ADAMTSL1: variants seen among roughly 807,000 people sequenced by gnomAD.
ADAMTSL1 encodes the protein ADAMTS like 1.
Under a neutral mutation model 201.8 loss-of-function variants are expected in ADAMTSL1, and 126 were observed. That is an observed-to-expected ratio of 0.62 (90% CI 0.54 to 0.72). The LOEUF (loss-of-function observed/expected upper bound fraction) is 0.72. Among genes scored for constraint, ADAMTSL1 ranks in the 30% least tolerant of loss-of-function variants. ADAMTSL1 has a pLI of 0.00. For missense variants in ADAMTSL1, 2,679 were observed against 2,277.8 expected, an observed-to-expected ratio of 1.18 and a Z score of -3.59; for synonymous variants, 1,121 against 903.4, an observed-to-expected ratio of 1.24 and a Z score of -4.32.
At chr9:18,384,821 C>T (rs562060789) in intron 2 of ADAMTSL1, among the ~76,000 whole-genome samples, 1 of 152,252 alleles carries the variant, frequency 6.6e-6, no homozygotes, top group South Asian at 2.1e-4. Context: ...GCTTAATGAG[C>T]TCTCCTGATT....
intron 4 of ADAMTSL1, among the ~76,000 whole-genome samples, chr9:18,617,627 T>C (rs147917924): frequency 6.6e-6 from 1 of 152,254 alleles, no homozygotes; most frequent in Non-Finnish European, 1.5e-5. Flanking sequence ...AGTGGCTGCG[T>C]ATCTTTGTAC....
At chr9:18,238,350 C>G (rs1293275854) in intron 2 of ADAMTSL1, among the ~76,000 whole-genome samples, 2 of 152,080 alleles carry the variant, frequency 1.3e-5, no homozygotes, top group African/African-American at 4.8e-5. Context: ...TCATCTGTAA[C>G]TCAGTATTTT....
chr9:18,587,477 C>T lies in ADAMTSL1; in HGVS notation c.474+13211C>T, dbSNP rs558835797. ...CTATCACCTCAAACATTTACCTTTT[C>T]TTTGTATGGGGAGCATTACAATTCT... On this transcript the variant is annotated intron_variant, in intron 4 of 28. Transcript: ENST00000380548. Among the ~76,000 whole-genome samples the T allele has an allele frequency of 2.6e-4, 39 of 152,214 alleles. 1 individual carries two copies. Among genetic ancestry groups the T allele is most frequent in the Non-Finnish European group, 4.3e-4 (29 of 67,982 alleles).
intron 2 of ADAMTSL1, among the ~76,000 whole-genome samples, chr9:18,215,788 G>T (rs1830035401): frequency 1.3e-5 from 2 of 152,132 alleles, no homozygotes. Context: ...TTAAAGGCAG[G>T]GGGACCAGCT....
intron 2 of ADAMTSL1, among the ~76,000 whole-genome samples, chr9:18,381,059 T>C (rs1013471663): frequency 1.3e-5 from 2 of 152,206 alleles, no homozygotes; most frequent in Admixed American, 6.5e-5. Context: ...TCTAGACTGT[T>C]GAGTTCTTAT....
At chr9:18,178,261 T>TGACA (rs1828271731) in intron 2 of ADAMTSL1, among the ~76,000 whole-genome samples, 1 of 151,948 alleles carries the variant, frequency 6.6e-6, no homozygotes, top group Non-Finnish European at 1.5e-5. Flanking sequence ...AAGAAAGGGG[T>TGACA]GACAGACGGC....
At chr9:18,790,337 C>T (rs1373710464) in intron 19 of ADAMTSL1, among the ~76,000 whole-genome samples, 2 of 152,078 alleles carry the variant, frequency 1.3e-5, no homozygotes, top group Non-Finnish European at 2.9e-5. Context: ...GAAGTCTTCC[C>T]CTCCACAAGG....
At chr9:18,861,809 C>T (rs907507277) in intron 23 of ADAMTSL1, among the ~76,000 whole-genome samples, 1 of 152,206 alleles carries the variant, frequency 6.6e-6, no homozygotes, top group African/African-American at 2.4e-5. Flanking sequence ...CAGCCAGATC[C>T]TTTCAGACAC....
At chr9:18,606,512 T>C (rs16936895) in intron 4 of ADAMTSL1, among the ~76,000 whole-genome samples, 4 of 152,184 alleles carry the variant, frequency 2.6e-5, no homozygotes, top group African/African-American at 9.7e-5. Context: ...TGGTGCTGCC[T>C]GACCTCTTGA....
chr9:18,204,901 C>T lies in ADAMTSL1; in HGVS notation c.207+40920C>T, dbSNP rs556699413. On this transcript the variant is annotated intron_variant, in intron 2 of 29. Coordinates refer to the ADAMTSL1 transcript ENST00000680146. ...AAACATCTTTGTTCATTTATATCCA[C>T]TGTATTATGGCATTCGTAGGGAGTA... Among the ~76,000 whole-genome samples, 5 of 152,302 alleles carry T rather than the reference C, an allele frequency of 3.3e-5. No individual in the cohort carries two copies. In the East Asian group the frequency reaches 9.6e-4, roughly 29 times the overall value.
At chr9:18,396,823 G>A (rs1192334112) in intron 2 of ADAMTSL1, among the ~76,000 whole-genome samples, 4 of 152,014 alleles carry the variant, frequency 2.6e-5, no homozygotes, top group Non-Finnish European at 5.9e-5. Context: ...TTATGATCAT[G>A]CCACTGCACT....
At chr9:18,808,147 A>G (rs372252420) in intron 20 of ADAMTSL1, among the ~76,000 whole-genome samples, 25 of 152,234 alleles carry the variant, frequency 1.6e-4, no homozygotes, top group Admixed American at 1.2e-3. Flanking sequence ...AAGAAAAACT[A>G]AAAGAGTACA....
chr9:18,707,866 G>C (rs1350738837), intron 14 of ADAMTSL1, among the ~76,000 whole-genome samples: 2 of 152,200 alleles, frequency 1.3e-5, no homozygotes, highest in African/African-American at 4.8e-5. Context: ...TTATGAACAG[G>C]ATTGTAGTGG....
intron 23 of ADAMTSL1, among the ~76,000 whole-genome samples, chr9:18,834,415 T>G (rs1825186120): frequency 6.6e-6 from 1 of 152,116 alleles, no homozygotes; most frequent in African/African-American, 2.4e-5. Flanking sequence ...TCTTTGTTAT[T>G]CATTTATAAG....
intron 2 of ADAMTSL1, among the ~76,000 whole-genome samples, chr9:18,252,915 A>G (rs111774870): frequency 6.6e-6 from 1 of 152,196 alleles, no homozygotes; most frequent in Non-Finnish European, 1.5e-5. Context: ...GCAGCAGGAG[A>G]TAAACATATG....
At chr9:18,577,588 G>C (rs1822815609) in intron 4 of ADAMTSL1, among the ~76,000 whole-genome samples, 1 of 152,156 alleles carries the variant, frequency 6.6e-6, no homozygotes, top group Non-Finnish European at 1.5e-5. Flanking sequence ...TTTTCAATCT[G>C]TGGAAAATGA....
At chr9:18,250,369 C>T (rs1263313755) in intron 2 of ADAMTSL1, among the ~76,000 whole-genome samples, 1 of 152,132 alleles carries the variant, frequency 6.6e-6, no homozygotes, top group Non-Finnish European at 1.5e-5. Context: ...CTGACTCCCT[C>T]TTTGGGAGAG....
intron 2 of ADAMTSL1, among the ~76,000 whole-genome samples, chr9:18,313,230 C>G (rs954339177): frequency 1.3e-5 from 2 of 152,130 alleles, no homozygotes; most frequent in African/African-American, 2.4e-5. Context: ...CCAGACAACT[C>G]TTTGAGAACT....
chr9:17,993,974 GA>G (rs1008722826), intron 1 of ADAMTSL1, among the ~76,000 whole-genome samples: 1 of 151,996 alleles, frequency 6.6e-6, no homozygotes, highest in African/African-American at 2.4e-5. Flanking sequence ...GAGGTCTCTG[GA>G]AACTACCTTA....
Sources: allele counts gnomAD v4.1 joint callset (sites outside exome capture counted in the v4.1 genomes callset), GRCh38; gene constraint gnomAD v4.1.1; transcripts MANE v1.5; gene names NCBI Gene and HGNC (gene_info 2026-07-23, HGNC 2026-07-21).